Variants in CLASP1 observed in about 807,000 individuals in gnomAD.
CLASP1 encodes the protein cytoplasmic linker associated protein 1.
A neutral mutation model predicts 192.3 loss-of-function variants in CLASP1; 38 were observed. That is an observed-to-expected ratio of 0.20 (90% CI 0.15 to 0.26). The LOEUF is 0.26. CLASP1 is among the 10% of genes least tolerant of loss of function. The pLI, the probability that CLASP1 is intolerant of heterozygous loss-of-function variation, is 1.00. For missense variants in CLASP1, 1,433 were observed against 1,932.5 expected (o/e 0.74, Z 4.85); for synonymous variants, 691 against 712.8 (o/e 0.97, Z 0.49).
At chr2:121,584,811 A>C (rs2105637436) in intron 2 of CLASP1, among the ~76,000 whole-genome samples, 1 of 152,314 alleles carries the variant, frequency 6.6e-6, no homozygotes, top group East Asian at 1.9e-4. Flanking sequence ...TAAACTGTTT[A>C]TCCCTCTGTG....
intron 1 of CLASP1, among the ~76,000 whole-genome samples, chr2:121,639,601 C>T (rs931197751): frequency 4.6e-5 from 7 of 152,122 alleles, no homozygotes; most frequent in African/African-American, 1.4e-4. Context: ...TGGCTCACAC[C>T]TGTAATCCCA....
chr2:121,578,422 C>CAAAAAAAAAAAA (rs70954557), intron 2 of CLASP1, among the ~76,000 whole-genome samples: 1 of 65,728 alleles, frequency 1.5e-5, no homozygotes, highest in Non-Finnish European at 3.0e-5. Context: ...AGACTATCTC[C>CAAAAAAAAAAAA]AAAAAAAAAA....
intron 6 of CLASP1, among the ~76,000 whole-genome samples, chr2:121,522,038 G>C (rs1247489909): frequency 6.6e-6 from 1 of 152,194 alleles, no homozygotes; most frequent in East Asian, 1.9e-4. Context: ...CCCAGAAGCA[G>C]GAATAATTAA....
chr2:121,401,626 T>C, exon 28 of CLASP1: 1 of 1,612,622 alleles, frequency 6.2e-7, no homozygotes, highest in Non-Finnish European at 8.5e-7. Context: ...ATCATCCTTA[T>C]GAATTATTAT....
At chr2:121,640,802 C>G (rs965578809) in intron 1 of CLASP1, among the ~76,000 whole-genome samples, 1 of 152,218 alleles carries the variant, frequency 6.6e-6, no homozygotes, top group Admixed American at 6.5e-5. Flanking sequence ...TCTGCTTTCT[C>G]TCATTATAAA....
At chr2:121,496,921 A>G (rs1217547618) in intron 8 of CLASP1, among the ~76,000 whole-genome samples, 2 of 152,210 alleles carry the variant, frequency 1.3e-5, no homozygotes, top group African/African-American at 2.4e-5. Flanking sequence ...TGTTATTTGT[A>G]GCAACATGGA....
At chr2:121,346,092 T>A (rs1219468674) in intron 39 of CLASP1, among the ~76,000 whole-genome samples, 2 of 152,224 alleles carry the variant, frequency 1.3e-5, no homozygotes, top group Admixed American at 1.3e-4. Flanking sequence ...TCTGAAATGA[T>A]GAAATGGGCC....
intron 2 of CLASP1, among the ~76,000 whole-genome samples, chr2:121,570,915 C>A (rs1232150020): frequency 1.3e-5 from 2 of 152,044 alleles, no homozygotes; most frequent in African/African-American, 2.4e-5. Flanking sequence ...CCACTTCATT[C>A]TCATGAGAAA....
chr2:121,607,073 G>A (rs1021860077), intron 1 of CLASP1, among the ~76,000 whole-genome samples: 1 of 150,742 alleles, frequency 6.6e-6, no homozygotes, highest in East Asian at 2.0e-4. Flanking sequence ...CGGGTACGGT[G>A]GCTCACACCT....
At chr2:121,434,299 T>C (rs545198939) in intron 19 of CLASP1, among the ~76,000 whole-genome samples, 1 of 152,302 alleles carries the variant, frequency 6.6e-6, no homozygotes, top group South Asian at 2.1e-4. Context: ...CTCTGCTGCC[T>C]AGGCTGGAGT....
At chr2:121,478,762 C>T (rs1575271770) in intron 8 of CLASP1, among the ~76,000 whole-genome samples, 1 of 63,592 alleles carries the variant, frequency 1.6e-5, no homozygotes, top group Non-Finnish European at 2.9e-5. Context: ...CACACACACA[C>T]CACACACCCC....
intron 2 of CLASP1, among the ~76,000 whole-genome samples, chr2:121,592,728 T>C (rs1268735592): frequency 6.6e-6 from 1 of 152,140 alleles, no homozygotes; most frequent in Non-Finnish European, 1.5e-5. Flanking sequence ...CTCGGCTCAC[T>C]GCAGGCTCTG....
At chr2:121,610,113 G>C (rs2105950718) in intron 1 of CLASP1, among the ~76,000 whole-genome samples, 1 of 152,286 alleles carries the variant, frequency 6.6e-6, no homozygotes, top group Middle Eastern at 3.4e-3. Context: ...AAAAATAATT[G>C]TATTTTAAAA....
chr2:121,451,062 A>G, intron 15 of CLASP1, 72 bp from the exon 16 acceptor site: 2 of 1,041,576 alleles, frequency 1.9e-6, no homozygotes, highest in East Asian at 4.8e-5. Flanking sequence ...CAGGTGGGAG[A>G]AATAACTTCC....
chr2:121,382,135 A>G (rs1210382670), intron 33 of CLASP1, 73 bp downstream of exon 34: 2 of 1,252,704 alleles, frequency 1.6e-6, no homozygotes, highest in African/African-American at 3.0e-5. Flanking sequence ...AGGCTTTCCC[A>G]AAGACCTGAG....
At chr2:121,527,708 T>C in intron 5 of CLASP1, 91 bp downstream of exon 5, 1 of 1,024,674 alleles carries the variant, frequency 9.8e-7, no homozygotes, top group East Asian at 2.6e-5. Flanking sequence ...CTACACTTCT[T>C]TGCAACTTCC....
rs528842441 is a variant in CLASP1, at chr2:121,486,442, T to C, written c.713-16482A>G. On this transcript the variant is annotated intron_variant, in intron 8 of 39. Transcript: ENST00000263710. Reference sequence around the variant, plus strand: ...GTGTCATATTACATAAGAGTCACCATATATCCTTTCATTGATTAAATGTTC... The same window carrying C: ...GTGTCATATTACATAAGAGTCACCACATATCCTTTCATTGATTAAATGTTC... 8.8e-4 allele frequency among the ~76,000 whole-genome samples: 134 copies of C among 152,310 alleles called. 1 individual carries two copies. In the South Asian group the frequency reaches 0.025, roughly 28 times the overall value.
chr2:121,548,101 T>G (rs923156793), intron 2 of CLASP1, among the ~76,000 whole-genome samples: 1 of 152,142 alleles, frequency 6.6e-6, no homozygotes, highest in Non-Finnish European at 1.5e-5. Flanking sequence ...ATTTAGAATA[T>G]GGATAGGAAC....
At chr2:121,459,758 T>C (rs79751191) in intron 12 of CLASP1, 16,567 of 378,044 alleles carry the variant, frequency 0.044, 495 homozygotes, top group East Asian at 0.12. Flanking sequence ...AAATAAAGAC[T>C]TCAGAGCTAT....
Sources: allele counts gnomAD v4.1 joint callset (sites outside exome capture counted in the v4.1 genomes callset), GRCh38; gene constraint gnomAD v4.1.1; transcripts MANE v1.5; gene names NCBI Gene and HGNC (gene_info 2026-07-23, HGNC 2026-07-21).